AEBP1: variants seen among roughly 807,000 people sequenced by gnomAD.
AEBP1 encodes adipocyte enhancer-binding protein 1.
In AEBP1, 69 loss-of-function variants were observed where a neutral mutation model predicts 116.5. That is an observed-to-expected ratio of 0.59 (90% CI 0.49 to 0.72). AEBP1 has a LOEUF of 0.72. Ranked by LOEUF, AEBP1 falls within the 30% of genes least tolerant of loss-of-function variation. The pLI, the probability that AEBP1 is intolerant of heterozygous loss-of-function variation, is 0.00. For synonymous variants in AEBP1, 627 were observed against 627.3 expected (o/e 1.00, Z 0.01); for missense variants, 1,444 against 1,557.5 (o/e 0.93, Z 1.23).
In AEBP1 at chr7:44,111,118, G is replaced by C; in HGVS notation, c.1631-36G>C. The C allele has an allele frequency of 6.3e-7, 1 of 1,576,982 alleles. No homozygotes were observed. The highest frequency in any genetic ancestry group is 8.6e-7 in the Non-Finnish European group (1 of 1,158,366). ...GGTGGGGTGCTAGGGTGGGCCAGCCGGCACCCAGCTAAAGACAACCCCGCC... is the reference window on the plus strand; with the variant it reads ...GGTGGGGTGCTAGGGTGGGCCAGCCCGCACCCAGCTAAAGACAACCCCGCC... On this transcript the variant is annotated intron_variant, in intron 13 of 20. Coordinates refer to ENST00000223357, the MANE Select transcript of AEBP1 (RefSeq NM_001129.5). This position sits in a 1 kb window ranked among gnomAD's most constrained non-coding sequence, Gnocchi z 4.7.
Position 44,108,955 on chromosome 7 carries a change from G to T in AEBP1, c.997G>T (p.Asp333Tyr), listed in dbSNP as rs1198892357. ...PQKPDAERQT[D>Y]EEKEELKKPK... ...GAAGCCCGATGCTGAGCGCCAGACA[G>T]ACGAAGAGAAGGAGGAGCTGAGTGA... The change falls in exon 7 of 21, where the codon GAC (aspartate) becomes TAC (tyrosine). Residue 333 changes from aspartate to tyrosine, a missense_variant. Transcript: ENST00000223357. The surrounding 1 kb of genome is among the most constrained non-coding windows in gnomAD (Gnocchi z 5.0). 1.2e-6 allele frequency: 2 copies of T among 1,603,442 alleles called. No individual in the cohort carries two copies. Among genetic ancestry groups the T allele is most frequent in the African/African-American group, 1.3e-5 (1 of 74,632 alleles).
At position 44,111,273 on chromosome 7, in the gene AEBP1, A is replaced by C; in HGVS notation, c.1716+34A>C. The C allele has an allele frequency of 1.3e-6, 2 of 1,498,494 alleles. No individual in the cohort carries two copies. Among genetic ancestry groups the C allele is most frequent in the Non-Finnish European group, 1.8e-6 (2 of 1,123,172 alleles). 92.8% of individuals were successfully genotyped at this position (1,498,494 alleles called of 1,614,324 possible). ...CATATATCCTGGGGCTGGGGGTGGG[A>C]CCTGTCTGTGGCTGACGGGAGTGTG... On this transcript the variant is annotated intron_variant, in intron 14 of 20. Transcript: ENST00000223357. This position sits in a 1 kb window ranked among gnomAD's most constrained non-coding sequence, Gnocchi z 4.7.
intron 1 of AEBP1, chr7:44,106,017 G>A (rs1472276297): frequency 1.7e-5 from 6 of 362,396 alleles, no homozygotes; most frequent in Non-Finnish European, 2.2e-5. Context: ...CTTACTTCTC[G>A]AAAGGAGACC....
chr7:44,106,520 T>G (rs372126357), intron 1 of AEBP1, 26 bp from the exon 2 acceptor site: 7 of 1,559,490 alleles, frequency 4.5e-6, no homozygotes, highest in Non-Finnish European at 6.1e-6. Flanking sequence ...CTCTGTTCAT[T>G]TGACACGAGT....
Position 44,107,797 on chromosome 7 carries a change from C to A in AEBP1, c.740-12C>A. ...AGCCTTGGGCCCCACTCTGAGCCAG[C>A]CTCCCCCTCAGTTGAGTACATTCGG... On this transcript the variant is annotated splice_polypyrimidine_tract_variant and intron_variant, in intron 4 of 20. Transcript: ENST00000223357. This position sits in a 1 kb window ranked among gnomAD's most constrained non-coding sequence, Gnocchi z 4.3. The A allele has an allele frequency of 1.9e-6, 3 of 1,612,202 alleles. No individual in the cohort carries two copies. Among genetic ancestry groups the A allele is most frequent in the Non-Finnish European group, 1.7e-6 (2 of 1,179,548 alleles).
At position 44,113,368 on chromosome 7, in the gene AEBP1, C is replaced by T; in HGVS notation, c.2809+17C>T. ...TGAAGACAGGTACCTAGTGTGCACA[C>T]CTTTACCCCATCTTTCTGAGGGAGG... is the stretch of plus-strand genomic sequence containing the variant. On this transcript the variant is annotated intron_variant, in intron 20 of 20. Coordinates refer to ENST00000223357, the MANE Select transcript of AEBP1 (RefSeq NM_001129.5). The surrounding 1 kb of genome is among the most constrained non-coding windows in gnomAD (Gnocchi z 5.3). 1 of 1,601,352 alleles carries T rather than the reference C, an allele frequency of 6.2e-7. No homozygotes were observed. The highest frequency in any genetic ancestry group is 8.5e-7 in the Non-Finnish European group (1 of 1,172,548).
chr7:44,105,465 C>T (rs1586044254), intron 1 of AEBP1, among the ~76,000 whole-genome samples: 2 of 152,178 alleles, frequency 1.3e-5, no homozygotes, highest in Admixed American at 6.5e-5. Flanking sequence ...ATTTAACCCA[C>T]GGCCTCTTGC....
chr7:44,108,101 CCA>C lies in AEBP1; in HGVS notation c.940+18_940+19del. ...ACGATGACAGTGAGTACCCAGCACC[CCA>C]GAGTCTGAGGGACATAGGCAGGTGG... On this transcript the variant is annotated intron_variant, in intron 6 of 20. Coordinates refer to ENST00000223357, the MANE Select transcript of AEBP1 (RefSeq NM_001129.5). The surrounding 1 kb of genome is among the most constrained non-coding windows in gnomAD (Gnocchi z 5.0). 1.3e-6 allele frequency: 2 copies of C among 1,590,124 alleles called. No homozygotes were observed. Among genetic ancestry groups the C allele is most frequent in the South Asian group, 2.3e-5 (2 of 87,592 alleles).
intron 1 of AEBP1, 81 bp downstream of exon 1, chr7:44,104,999 TC>T: frequency 8.6e-7 from 1 of 1,163,780 alleles, no homozygotes; most frequent in Non-Finnish European, 1.2e-6. Flanking sequence ...GTCTGGCCAC[TC>T]CCCAGTCTGC....
In AEBP1 at chr7:44,113,582, C is replaced by A; in HGVS notation, c.2810-12C>A. The A allele has an allele frequency of 6.2e-7, 1 of 1,603,494 alleles. No homozygotes were observed. The highest frequency in any genetic ancestry group is 1.1e-5 in the South Asian group (1 of 90,744). ...GGCGCTCTGGGGCAGCCGGATCGTT[C>A]TCCCTCCGCAGCCAGTGGTGGTGAT... On this transcript the variant is annotated splice_polypyrimidine_tract_variant and intron_variant, in intron 20 of 20. Coordinates refer to ENST00000223357, the MANE Select transcript of AEBP1 (RefSeq NM_001129.5). The surrounding 1 kb of genome is among the most constrained non-coding windows in gnomAD (Gnocchi z 5.3).
Position 44,109,547 on chromosome 7 carries a change from A to T in AEBP1, c.1150+206A>T, listed in dbSNP as rs2096226685. ...CCTGGACCCCAGGCTGGCCTGCTTC[A>T]GGAGGGTGGCAGCTCCCCAGGGCCC... is the stretch of plus-strand genomic sequence containing the variant. On this transcript the variant is annotated intron_variant, in intron 9 of 20. Coordinates refer to ENST00000223357, the MANE Select transcript of AEBP1 (RefSeq NM_001129.5). 6.3e-6 allele frequency: 4 copies of T among 632,720 alleles called. No homozygotes were observed. The South Asian group carries it at 8.4e-5, about 13-fold the overall frequency. 39.2% of individuals were successfully genotyped at this position (632,720 alleles called of 1,614,324 possible). A position where few individuals can be genotyped will look rare whatever the true frequency, so the allele number is the denominator to read the frequency against.
Position 44,110,628 on chromosome 7 carries a change from A to G in AEBP1, c.1401-97A>G, listed in dbSNP as rs371968005. 136 of 1,182,618 alleles carry G rather than the reference A, an allele frequency of 1.1e-4. 1 individual carries two copies. The East Asian group carries it at 2.2e-3, about 19-fold the overall frequency. The allele number at this position is 1,182,618 out of a possible 1,614,324, so 73.3% of individuals were successfully genotyped here. ...CTGGGCCGTGCAGCACCACCCTGCT[A>G]GCTCTTAAATTCTTGGGGCTCGGAA... On this transcript the variant is annotated intron_variant, in intron 11 of 20. Coordinates refer to ENST00000223357, the MANE Select transcript of AEBP1 (RefSeq NM_001129.5).
chr7:44,109,170 G>A lies in AEBP1; in HGVS notation c.1082G>A (p.Gly361Asp). 1 of 1,613,818 alleles carries A rather than the reference G, an allele frequency of 6.2e-7. No homozygotes were observed. Among genetic ancestry groups the A allele is most frequent in the Non-Finnish European group, 8.5e-7 (1 of 1,180,012 alleles). The stretch of plus-strand genomic sequence containing the variant: ...ACCGACAAGTGGGCAGTGGAGAAGG[G>A]CAAGGACCACAAAGGTGTGTGGCTG... ...EETDKWAVEK[G>D]KDHKEPRKGE... The change falls in exon 8 of 21, where the codon GGC becomes GAC. Residue 361 changes from glycine to aspartate, a missense_variant. Coordinates refer to ENST00000223357, the MANE Select transcript of AEBP1 (RefSeq NM_001129.5).
At position 44,113,067 on chromosome 7, in the gene AEBP1, T is replaced by C. The variant is rs1463308992; in HGVS notation, c.2646T>C (p.His882=). 1 of 1,614,092 alleles carries C rather than the reference T, an allele frequency of 6.2e-7. No homozygotes were observed. The highest frequency in any genetic ancestry group is 1.1e-5 in the South Asian group (1 of 91,080). Reference sequence around the variant, plus strand: ...ACCTGGGCTGTGACAAGTTCCCTCATGAGAGTGAGCTGCCCCGCGAGTGGG... The same window carrying C: ...ACCTGGGCTGTGACAAGTTCCCTCACGAGAGTGAGCTGCCCCGCGAGTGGG... ...SFYLGCDKFP[H]ESELPREWEN... Residue 882 remains histidine, a synonymous_variant, in exon 19 of 21, where the codon CAT becomes CAC. Transcript: ENST00000223357. This position sits in a 1 kb window ranked among gnomAD's most constrained non-coding sequence, Gnocchi z 5.3.
In AEBP1 at chr7:44,110,896, G is replaced by C; in HGVS notation, c.1486-17G>C. The C allele has an allele frequency of 6.2e-7, 1 of 1,613,770 alleles. No homozygotes were observed. The highest frequency in any genetic ancestry group is 8.5e-7 in the Non-Finnish European group (1 of 1,179,998). On this transcript the variant is annotated splice_polypyrimidine_tract_variant and intron_variant, in intron 12 of 20. Transcript: ENST00000223357. ...AGAGGGGCTGGCAGTACTGCTCTGA[G>C]GCCTGCCTCTCCCCAGACCTTTCAT... is the stretch of plus-strand genomic sequence containing the variant.
Position 44,113,461 on chromosome 7 carries a change from A to G in AEBP1, c.2809+110A>G. ...GTAGAGTCTGGGGAGCCTGGGGGCGAAATTCAGAGAGGGAGGGCGGTGCTG... is the reference window on the plus strand; with the variant it reads ...GTAGAGTCTGGGGAGCCTGGGGGCGGAATTCAGAGAGGGAGGGCGGTGCTG... On this transcript the variant is annotated intron_variant, in intron 20 of 20. Transcript: ENST00000223357. This position sits in a 1 kb window ranked among gnomAD's most constrained non-coding sequence, Gnocchi z 5.3. 7.5e-7 allele frequency: 1 copy of G among 1,335,206 alleles called. No homozygotes were observed. The highest frequency in any genetic ancestry group is 1.0e-6 in the Non-Finnish European group (1 of 1,003,996). 82.7% of individuals were successfully genotyped at this position (1,335,206 alleles called of 1,614,324 possible).
rs1203837101 is a variant in AEBP1, at chr7:44,104,710, G to A, written c.45G>A (p.Ala15=). The part of the protein sequence containing the change: ...RGAPLLSCLL[A]LLALCPGGRP... ...CGCCCCTGCTCAGCTGCCTCCTGGC[G>A]TTGCTGGCCCTGTGCCCTGGAGGGC... The change falls in exon 1 of 21, where the codon GCG becomes GCA. Residue 15 remains alanine, a synonymous_variant. Transcript: ENST00000223357. The A allele has an allele frequency of 5.0e-6, 8 of 1,607,890 alleles. No individual in the cohort carries two copies. In the African/African-American group the frequency reaches 8.0e-5, roughly 16 times the overall value.
chr7:44,112,288 C>A lies in AEBP1; in HGVS notation c.2184C>A (p.Pro728=). ...ACCGGGTCCCCAACAATAACTTGCC[C>A]ATCCCTGAACGCTACCTTTCGCCAG... ...VPYRVPNNNL[P]IPERYLSPDA... Residue 728 remains proline (P), a synonymous_variant, in exon 17 of 21, where the codon CCC becomes CCA. Coordinates refer to ENST00000223357, the MANE Select transcript of AEBP1 (RefSeq NM_001129.5). This position sits in a 1 kb window ranked among gnomAD's most constrained non-coding sequence, Gnocchi z 6.6. 1 of 1,571,490 alleles carries A rather than the reference C, an allele frequency of 6.4e-7. No individual in the cohort carries two copies. Among genetic ancestry groups the A allele is most frequent in the Non-Finnish European group, 8.7e-7 (1 of 1,155,746 alleles).
chr7:44,112,072 G>T lies in AEBP1; in HGVS notation c.2037+22G>T. ...GATGGTGGGTTGAAGGGTGAGGCTGGCCAGGGTCCAGGCAGCTGGGGGTTG... is the reference window on the plus strand; with the variant it reads ...GATGGTGGGTTGAAGGGTGAGGCTGTCCAGGGTCCAGGCAGCTGGGGGTTG... On this transcript the variant is annotated intron_variant, in intron 16 of 20. Transcript: ENST00000223357. This position sits in a 1 kb window ranked among gnomAD's most constrained non-coding sequence, Gnocchi z 6.6. 6.2e-7 allele frequency: 1 copy of T among 1,608,334 alleles called. No homozygotes were observed. The highest frequency in any genetic ancestry group is 8.5e-7 in the Non-Finnish European group (1 of 1,175,562).
Sources: gnomAD v4.1 joint callset for allele counts (sites outside exome capture counted in the v4.1 genomes callset) on GRCh38, gnomAD v4.1.1 for gene constraint, Gnocchi (gnomAD v3.1) non-coding constraint, MANE v1.5 for transcripts, NCBI Gene and HGNC (gene_info 2026-07-23, HGNC 2026-07-21) for gene names.